EIF3J: variants seen among roughly 807,000 people sequenced by gnomAD.
EIF3J encodes eukaryotic translation initiation factor 3 subunit J, also known as eukaryotic translation initiation factor 3, subunit 1 (alpha, 35kD).
A neutral mutation model predicts 39.0 loss-of-function variants in EIF3J; 15 were observed. The ratio of observed to expected loss-of-function variants is 0.38; its 90% CI spans 0.26 to 0.59. The LOEUF (loss-of-function observed/expected upper bound fraction) is 0.59, where lower values mean the gene tolerates loss of function less well. EIF3J is among the 20% of genes least tolerant of loss of function. The pLI is 0.60. For missense variants in EIF3J, 226 were observed against 308.6 expected (o/e 0.73, Z 2.00); for synonymous variants, 98 against 112.9 (o/e 0.87, Z 0.84).
At chr15:44,537,994 G>C (rs1567114376) in intron 2 of EIF3J, among the ~76,000 whole-genome samples, 1 of 152,114 alleles carries the variant, frequency 6.6e-6, no homozygotes, top group Non-Finnish European at 1.5e-5. Context: ...CCCCCACCCT[G>C]TGGTAAAAAG....
intron 2 of EIF3J, among the ~76,000 whole-genome samples, chr15:44,538,622 C>T (rs2081981609): frequency 6.6e-6 from 1 of 152,162 alleles, no homozygotes. Flanking sequence ...GCCTGAGGTT[C>T]AAGAATGTTG....
In EIF3J at chr15:44,562,399, A is replaced by G. The variant is rs547643077; in HGVS notation, c.*1250A>G. On this transcript the variant is annotated 3_prime_UTR_variant, in exon 8 of 8. Coordinates refer to ENST00000261868, the MANE Select transcript of EIF3J (RefSeq NM_003758.4). Reference sequence around the variant, plus strand: ...TCAGGTTTATGGCTGTTAAGTATAGATTGGGGAATCTTTATTATGTCTTCT... The same window carrying G: ...TCAGGTTTATGGCTGTTAAGTATAGGTTGGGGAATCTTTATTATGTCTTCT... 9 of 152,262 alleles carry G rather than the reference A, an allele frequency of 5.9e-5. No homozygotes were observed. Among genetic ancestry groups the G allele is most frequent in the African/African-American group, 2.2e-4 (9 of 41,142 alleles). 9.4% of individuals were successfully genotyped at this position (152,262 alleles called of 1,614,324 possible).
In EIF3J at chr15:44,554,587, C is replaced by G. The variant is rs766383076; in HGVS notation, c.329C>G (p.Pro110Arg). The G allele has an allele frequency of 6.2e-7, 1 of 1,611,992 alleles. No homozygotes were observed. Among genetic ancestry groups the G allele is most frequent in the Admixed American group, 1.7e-5 (1 of 59,656 alleles). Residue 110 changes from proline (P) to arginine (R), a missense_variant, in exon 5 of 8, where the codon CCA (proline) becomes CGA (arginine). Physicochemically the swap from Pro to Arg is moderately radical, Grantham distance 103. Around this residue, in one of 2 missense-constraint regions of EIF3J, gnomAD observed 143 missense variants for 156.0 expected, o/e 0.92. Transcript: ENST00000261868. ...EEPEEPKVLT[P>R]EEQLADKLRL... ...CCCGAAGAACCTAAAGTGCTAACAC[C>G]AGAAGAACAATTAGCAGATAAACTG...
intron 5 of EIF3J, among the ~76,000 whole-genome samples, chr15:44,556,262 T>C (rs1039789773): frequency 2.0e-5 from 3 of 152,206 alleles, no homozygotes; most frequent in Non-Finnish European, 4.4e-5. Flanking sequence ...TTGTTTCTTA[T>C]TCTTTTTGTT....
chr15:44,551,736 C>T (rs935159251), intron 4 of EIF3J, among the ~76,000 whole-genome samples: 4 of 152,112 alleles, frequency 2.6e-5, no homozygotes, highest in African/African-American at 9.7e-5. Flanking sequence ...CACAAACATT[C>T]AGGAATAGTC....
chr15:44,559,252 A>C (rs544924155), intron 6 of EIF3J: 58 of 150,676 alleles, frequency 3.8e-4, no homozygotes, highest in African/African-American at 1.4e-3. Flanking sequence ...AAAAAAAAAA[A>C]AACACAAAAA....
intron 4 of EIF3J, among the ~76,000 whole-genome samples, chr15:44,553,199 A>G (rs1567118757): frequency 6.6e-6 from 1 of 151,544 alleles, no homozygotes; most frequent in Non-Finnish European, 1.5e-5. Context: ...ACAAAAAAAA[A>G]AAGAAGAAAA....
intron 2 of EIF3J, among the ~76,000 whole-genome samples, chr15:44,549,781 A>C (rs1191101140): frequency 2.2e-4 from 33 of 150,278 alleles, no homozygotes; most frequent in East Asian, 5.9e-4. Context: ...AAAAAAAAAA[A>C]AAAAAAAAAC....
chr15:44,546,302 G>A (rs1318010277), intron 2 of EIF3J, among the ~76,000 whole-genome samples: 1 of 152,200 alleles, frequency 6.6e-6, no homozygotes, highest in Non-Finnish European at 1.5e-5. Context: ...AATTGCTGAA[G>A]TAAGATGAAT....
At chr15:44,556,214 C>T (rs1264480159) in intron 5 of EIF3J, among the ~76,000 whole-genome samples, 2 of 152,178 alleles carry the variant, frequency 1.3e-5, no homozygotes, top group Non-Finnish European at 2.9e-5. Context: ...CCCCGCTTAG[C>T]TTCTGGAGTT....
In EIF3J at chr15:44,560,178, T is replaced by C. The variant is rs2082179823; in HGVS notation, c.572-71T>C. On this transcript the variant is annotated intron_variant, in intron 6 of 7. Coordinates refer to ENST00000261868, the MANE Select transcript of EIF3J (RefSeq NM_003758.4). ...GGGATATATAGATATATATGGAATG[T>C]ACATATTTAGCTTTAACTTTTCAAA... The C allele has an allele frequency of 1.1e-5, 14 of 1,240,112 alleles. No homozygotes were observed. The South Asian group carries it at 1.9e-4, about 17-fold the overall frequency. The allele number at this position is 1,240,112 out of a possible 1,614,324, so 76.8% of individuals were successfully genotyped here.
At position 44,562,000 on chromosome 15, in the gene EIF3J, G is replaced by A. The variant is rs2082202613; in HGVS notation, c.*851G>A. 6.6e-6 allele frequency: 1 copy of A among 152,522 alleles called. No individual in the cohort carries two copies. The highest frequency in any genetic ancestry group is 1.5e-5 in the Non-Finnish European group (1 of 68,028). 9.4% of individuals were successfully genotyped at this position (152,522 alleles called of 1,614,324 possible). A position where few individuals can be genotyped will look rare whatever the true frequency, so the allele number is the denominator to read the frequency against. ...CAGCAAACTGCACCAGTTAACTACA[G>A]TTTGGTAAATTGTTATGTTAACAAT... is the stretch of plus-strand genomic sequence containing the variant. On this transcript the variant is annotated 3_prime_UTR_variant, in exon 8 of 8. Coordinates refer to ENST00000261868, the MANE Select transcript of EIF3J (RefSeq NM_003758.4).
intron 4 of EIF3J, among the ~76,000 whole-genome samples, chr15:44,551,835 G>GTT (rs576307927): frequency 0.015 from 2,119 of 143,028 alleles, 54 homozygotes; most frequent in East Asian, 0.099. Context: ...GTTGTTTTTT[G>GTT]TTTTTTTTTT....
At chr15:44,556,473 C>T (rs532226991) in intron 5 of EIF3J, among the ~76,000 whole-genome samples, 1 of 151,926 alleles carries the variant, frequency 6.6e-6, no homozygotes, top group African/African-American at 2.4e-5. Context: ...TCCCGGGTAG[C>T]GAGGGCTACA....
chr15:44,546,816 CTTTTTTTTTTTTTTTTT>C (rs1160471321), intron 2 of EIF3J, among the ~76,000 whole-genome samples: 2 of 78,870 alleles, frequency 2.5e-5, no homozygotes, highest in South Asian at 5.1e-4. Flanking sequence ...GAGTATAGAT[CTTTTTTTTTTTTTTTTT>C]TTTTTTTTTT....
At chr15:44,559,417 A>T (rs1394582949) in intron 6 of EIF3J, among the ~76,000 whole-genome samples, 2 of 151,272 alleles carry the variant, frequency 1.3e-5, no homozygotes, top group Admixed American at 6.6e-5. Flanking sequence ...TCTCAAAAAA[A>T]AAAATAAAAT....
At position 44,562,249 on chromosome 15, in the gene EIF3J, C is replaced by T. The variant is rs904266667; in HGVS notation, c.*1100C>T. The T allele has an allele frequency of 3.9e-5, 6 of 152,622 alleles. No homozygotes were observed. In the South Asian group the frequency reaches 1.0e-3, roughly 26 times the overall value. 9.5% of individuals were successfully genotyped at this position (152,622 alleles called of 1,614,324 possible). On this transcript the variant is annotated 3_prime_UTR_variant, in exon 8 of 8. Coordinates refer to ENST00000261868, the MANE Select transcript of EIF3J (RefSeq NM_003758.4). ...AGGTCCTTATGTTGTCACCATAGAGCAACAAAGGTATAGGGCTGCCTTCCT... is the reference window on the plus strand; with the variant it reads ...AGGTCCTTATGTTGTCACCATAGAGTAACAAAGGTATAGGGCTGCCTTCCT...
Position 44,537,147 on chromosome 15 carries a change from A to C in EIF3J, c.-48A>C. 6.2e-7 allele frequency: 1 copy of C among 1,612,878 alleles called. No homozygotes were observed. The highest frequency in any genetic ancestry group is 8.5e-7 in the Non-Finnish European group (1 of 1,179,458). On this transcript the variant is annotated 5_prime_UTR_variant, in exon 1 of 8. Coordinates refer to ENST00000261868, the MANE Select transcript of EIF3J (RefSeq NM_003758.4). ...CCCAGTGACTCACCTCCGCCGTGCT[A>C]ACTCCTCGCTAGCTCTCCCTCTCAC...
intron 2 of EIF3J, among the ~76,000 whole-genome samples, chr15:44,548,450 G>A (rs749092830): frequency 1.3e-5 from 2 of 152,104 alleles, no homozygotes; most frequent in African/African-American, 2.4e-5. Flanking sequence ...GTATGGTACC[G>A]TTATATGGAG....
Sources: gnomAD v4.1 joint callset for allele counts (sites outside exome capture counted in the v4.1 genomes callset) on GRCh38, gnomAD v4.1.1 for gene constraint, gnomAD v4.1.1 regional missense constraint, MANE v1.5 for transcripts, NCBI Gene and HGNC (gene_info 2026-07-23, HGNC 2026-07-21) for gene names.